The following PCDH9 variants were observed in gnomAD, a reference collection of about 807,000 sequenced individuals.
PCDH9 encodes protocadherin 9.
PCDH9 carries 24 observed loss-of-function variants against 70.6 expected under a neutral mutation model. That is an observed-to-expected ratio of 0.34 (90% CI 0.25 to 0.48). PCDH9 has a LOEUF of 0.48. Ranked by LOEUF, PCDH9 falls within the 20% of genes least tolerant of loss-of-function variation. The probability of loss-of-function intolerance (pLI) is 0.99; values close to 1 mark genes in which losing one functional copy is unlikely to be tolerated. For synonymous variants in PCDH9, 562 were observed against 558.5 expected (o/e 1.01, Z -0.09); for missense variants, 1,281 against 1,503.6 (o/e 0.85, Z 2.45).
intron 2 of PCDH9, among the ~76,000 whole-genome samples, chr13:66,925,520 T>C (rs541049305): frequency 6.6e-6 from 1 of 152,094 alleles, no homozygotes; most frequent in East Asian, 1.9e-4. Flanking sequence ...ATTATCTTAG[T>C]TGCATTTCCT....
At chr13:66,486,409 A>T (rs1161786374) in intron 4 of PCDH9, among the ~76,000 whole-genome samples, 1 of 151,966 alleles carries the variant, frequency 6.6e-6, no homozygotes, top group Non-Finnish European at 1.5e-5. Context: ...GTGAGCTGTG[A>T]CTGTGCTGCT....
chr13:66,740,028 C>T (rs1426357272), intron 3 of PCDH9, among the ~76,000 whole-genome samples: 2 of 151,698 alleles, frequency 1.3e-5, no homozygotes, highest in Non-Finnish European at 2.9e-5. Context: ...CCCAAATCAA[C>T]AGAATATACA....
intron 3 of PCDH9, among the ~76,000 whole-genome samples, chr13:66,886,644 C>A (rs1485663834): frequency 6.6e-6 from 1 of 152,088 alleles, no homozygotes; most frequent in Admixed American, 6.6e-5. Flanking sequence ...CAGGGGTGAA[C>A]TTGGAACAAT....
At chr13:66,377,613 T>C (rs1408053454) in intron 4 of PCDH9, among the ~76,000 whole-genome samples, 1 of 152,040 alleles carries the variant, frequency 6.6e-6, no homozygotes, top group Non-Finnish European at 1.5e-5. Flanking sequence ...TCTGCTGGAG[T>C]CAATAATATG....
chr13:67,117,277 G>C (rs1849754033), intron 2 of PCDH9, among the ~76,000 whole-genome samples: 1 of 152,164 alleles, frequency 6.6e-6, no homozygotes, highest in Non-Finnish European at 1.5e-5. Context: ...GAAGGCGAGA[G>C]TAGGGAATTA....
At chr13:66,475,568 T>C (rs1594038480) in intron 4 of PCDH9, among the ~76,000 whole-genome samples, 1 of 152,102 alleles carries the variant, frequency 6.6e-6, no homozygotes, top group Non-Finnish European at 1.5e-5. Flanking sequence ...TCCTCATTTG[T>C]CTTCCTCTTC....
chr13:67,191,571 C>T (rs1281293564), intron 2 of PCDH9, among the ~76,000 whole-genome samples: 1 of 152,038 alleles, frequency 6.6e-6, no homozygotes, highest in Admixed American at 6.6e-5. Context: ...ACACTGGAAA[C>T]AACTAAAACA....
intron 3 of PCDH9, among the ~76,000 whole-genome samples, chr13:66,796,560 C>A (rs2080244740): frequency 6.6e-6 from 1 of 152,068 alleles, no homozygotes; most frequent in Non-Finnish European, 1.5e-5. Flanking sequence ...TGAGAAAAAG[C>A]AAACATAAAG....
At chr13:66,758,909 G>T (rs1028862054) in intron 3 of PCDH9, among the ~76,000 whole-genome samples, 7 of 151,924 alleles carry the variant, frequency 4.6e-5, no homozygotes, top group African/African-American at 1.4e-4. Flanking sequence ...TTTGTTGGCA[G>T]GTAATTGTTC....
At chr13:67,000,653 A>G (rs906291353) in intron 2 of PCDH9, among the ~76,000 whole-genome samples, 5 of 152,150 alleles carry the variant, frequency 3.3e-5, no homozygotes, top group Non-Finnish European at 5.9e-5. Context: ...AGGTAACTTG[A>G]CATCATTCCT....
chr13:66,730,411 C>G (rs1477307229), intron 3 of PCDH9, among the ~76,000 whole-genome samples: 1 of 152,130 alleles, frequency 6.6e-6, no homozygotes, highest in Non-Finnish European at 1.5e-5. Context: ...TTCTCATAAT[C>G]TAGTGAACTA....
intron 4 of PCDH9, among the ~76,000 whole-genome samples, chr13:66,378,540 T>C (rs1458319081): frequency 2.0e-5 from 3 of 152,220 alleles, no homozygotes; most frequent in Admixed American, 6.5e-5. Context: ...CCTGAAAACC[T>C]GTTTTTAGGA....
At chr13:66,647,140 C>A (rs2077782309) in intron 3 of PCDH9, among the ~76,000 whole-genome samples, 1 of 152,020 alleles carries the variant, frequency 6.6e-6, no homozygotes, top group South Asian at 2.1e-4. Flanking sequence ...AATTCCTAAC[C>A]AAATTCTGAT....
chr13:66,450,140 A>G (rs1474343075), intron 4 of PCDH9, among the ~76,000 whole-genome samples: 1 of 152,202 alleles, frequency 6.6e-6, no homozygotes, highest in Non-Finnish European at 1.5e-5. Flanking sequence ...AAATGTCAGT[A>G]GCCATCAGTT....
chr13:67,176,307 T>A (rs2088454171), intron 2 of PCDH9, among the ~76,000 whole-genome samples: 1 of 152,092 alleles, frequency 6.6e-6, no homozygotes, highest in Admixed American at 6.6e-5. Context: ...AGCAAATTGC[T>A]CAGGGGCCCA....
chr13:67,017,764 A>G (rs980609598), intron 2 of PCDH9, among the ~76,000 whole-genome samples: 61 of 152,340 alleles, frequency 4.0e-4, no homozygotes, highest in African/African-American at 1.4e-3. Context: ...TGAACAGTCT[A>G]TGGGTAATTA....
At chr13:66,428,492 A>G (rs1030544492) in intron 4 of PCDH9, among the ~76,000 whole-genome samples, 1 of 151,748 alleles carries the variant, frequency 6.6e-6, no homozygotes, top group Non-Finnish European at 1.5e-5. Flanking sequence ...CAGACATTAG[A>G]GCTGTCATCT....
chr13:66,396,828 C>A (rs1291414219), intron 4 of PCDH9, among the ~76,000 whole-genome samples: 1 of 152,094 alleles, frequency 6.6e-6, no homozygotes. Flanking sequence ...TACAGTATTA[C>A]AGATTTTGAA....
chr13:66,394,535 G>A (rs889437957), intron 4 of PCDH9, among the ~76,000 whole-genome samples: 7 of 151,970 alleles, frequency 4.6e-5, no homozygotes, highest in African/African-American at 1.7e-4. Context: ...ACACAATTAA[G>A]TATGCTTATT....
Sources: allele counts gnomAD v4.1 joint callset (sites outside exome capture counted in the v4.1 genomes callset), GRCh38; gene constraint gnomAD v4.1.1; transcripts MANE v1.5; gene names NCBI Gene and HGNC (gene_info 2026-07-23, HGNC 2026-07-21).